Variants in TP63 observed in about 807,000 individuals in gnomAD.
The protein encoded by TP63 is tumor protein p63, also known as tumor protein 63.
TP63 carries 17 observed loss-of-function variants against 82.8 expected under a neutral mutation model. The observed-to-expected ratio is 0.21, with a 90% CI of 0.14 to 0.31. TP63 has a LOEUF of 0.31. Among genes scored for constraint, TP63 ranks in the 10% least tolerant of loss-of-function variants. The pLI is 1.00. For missense variants in TP63, 648 were observed against 895.3 expected (o/e 0.72, Z 3.52); for synonymous variants, 330 against 321.7 (o/e 1.03, Z -0.28).
rs1025373002 is a variant in TP63, at chr3:189,794,203, TA to T, written c.325-14062del. On this transcript the variant is annotated intron_variant, in intron 3 of 13. Transcript: ENST00000264731. ...GTTAGAAGAAGAACTGACTGACTCT[TA>T]AAAAAATGTTTACTGAGCATCAATT... 5.9e-5 allele frequency among the ~76,000 whole-genome samples: 9 copies of T among 152,132 alleles called. No individual in the cohort carries two copies. The East Asian group carries it at 1.7e-3, about 29-fold the overall frequency.
chr3:189,776,584 G>A (rs924874623), intron 3 of TP63, among the ~76,000 whole-genome samples: 2 of 152,176 alleles, frequency 1.3e-5, no homozygotes, highest in African/African-American at 4.8e-5. Flanking sequence ...CCCCTGCTGG[G>A]TTAGAGTCCT....
intron 3 of TP63, among the ~76,000 whole-genome samples, chr3:189,807,223 A>G (rs1028236450): frequency 2.6e-5 from 4 of 152,202 alleles, no homozygotes; most frequent in African/African-American, 9.6e-5. Flanking sequence ...TGATTTGCCT[A>G]CTCAGGCTGA....
intron 3 of TP63, among the ~76,000 whole-genome samples, chr3:189,763,938 A>G (rs192489759): frequency 4.9e-4 from 74 of 152,284 alleles, no homozygotes; most frequent in African/African-American, 1.5e-3. Flanking sequence ...GATAAATTAT[A>G]TGGGAATAAA....
At chr3:189,883,248 C>CT (rs1720115786) in intron 10 of TP63, among the ~76,000 whole-genome samples, 1 of 152,040 alleles carries the variant, frequency 6.6e-6, no homozygotes, top group South Asian at 2.1e-4. Flanking sequence ...GCCTTGCTTC[C>CT]TTTTTCACCG....
chr3:189,887,173 C>T (rs1720534595), intron 11 of TP63, among the ~76,000 whole-genome samples: 2 of 148,704 alleles, frequency 1.3e-5, no homozygotes. Flanking sequence ...CACACTGCTG[C>T]ACTCCAGCCT....
intron 3 of TP63, among the ~76,000 whole-genome samples, chr3:189,743,597 A>C (rs1721158644): frequency 6.6e-6 from 1 of 152,168 alleles, no homozygotes; most frequent in Admixed American, 6.5e-5. Flanking sequence ...GTCCAGGTAA[A>C]ATTTTATAGC....
chr3:189,700,403 T>A (rs996754338), intron 1 of TP63, among the ~76,000 whole-genome samples: 2 of 152,210 alleles, frequency 1.3e-5, no homozygotes, highest in African/African-American at 4.8e-5. Flanking sequence ...TTCCATGTAC[T>A]CCATCTCATT....
intron 4 of TP63, among the ~76,000 whole-genome samples, chr3:189,862,636 A>C (rs1385853027): frequency 6.6e-6 from 1 of 152,216 alleles, no homozygotes; most frequent in African/African-American, 2.4e-5. Flanking sequence ...TATGCGTTAT[A>C]TACCTCCTAA....
chr3:189,789,729 C>CAGAG lies in TP63; in HGVS notation c.325-18543_325-18542insAGAG, dbSNP rs34201045. ...AAGTAGATTCATATTGTAAGGGTCT[C>CAGAG]GGGGTGGGGGGGTTGGCAAAATCCT... On this transcript the variant is annotated intron_variant, in intron 3 of 13. Transcript: ENST00000264731. 0.33 allele frequency: 486,564 copies of CAGAG among 1,480,580 alleles called. 81,348 individuals carry two copies. The highest frequency in any genetic ancestry group is 0.54 in the East Asian group (21,274 of 39,036). The allele number at this position is 1,480,580 out of a possible 1,614,324, so 91.7% of individuals were successfully genotyped here. A position where few individuals can be genotyped will look rare whatever the true frequency, so the allele number is the denominator to read the frequency against.
intron 1 of TP63, among the ~76,000 whole-genome samples, chr3:189,648,519 C>T (rs1712613021): frequency 6.8e-6 from 1 of 147,012 alleles, no homozygotes; most frequent in Non-Finnish European, 1.5e-5. Context: ...ATTCTTGGTA[C>T]ATTTACTTAT....
At chr3:189,741,146 A>G (rs1016951807) in intron 3 of TP63, among the ~76,000 whole-genome samples, 1 of 152,030 alleles carries the variant, frequency 6.6e-6, no homozygotes, top group Non-Finnish European at 1.5e-5. Context: ...AAATAAAGGT[A>G]GAGTGAGAAA....
intron 1 of TP63, among the ~76,000 whole-genome samples, chr3:189,660,744 C>T (rs191865860): frequency 6.6e-6 from 1 of 151,788 alleles, no homozygotes; most frequent in Non-Finnish European, 1.5e-5. Flanking sequence ...ATTCCTTCAA[C>T]CGTGTTTTGT....
chr3:189,635,312 A>G (rs2108608106), intron 1 of TP63, among the ~76,000 whole-genome samples: 1 of 152,276 alleles, frequency 6.6e-6, no homozygotes, highest in South Asian at 2.1e-4. Flanking sequence ...CCCAAAAGGA[A>G]GAGTGATGAC....
intron 3 of TP63, among the ~76,000 whole-genome samples, chr3:189,744,249 T>C (rs1560151673): frequency 6.6e-6 from 1 of 152,206 alleles, no homozygotes; most frequent in Non-Finnish European, 1.5e-5. Flanking sequence ...GCAGCTGCTG[T>C]CACTGTGGTG....
Position 189,795,294 on chromosome 3 carries a change from C to G in TP63, c.325-12978C>G, listed in dbSNP as rs188067942. On this transcript the variant is annotated intron_variant, in intron 3 of 13. Transcript: ENST00000264731. The stretch of plus-strand genomic sequence containing the variant: ...ACAGTTACTGAAAACTTATAATAGT[C>G]ACTGTTATATGCACTGTGAGGAAAG... 1.2e-4 allele frequency among the ~76,000 whole-genome samples: 18 copies of G among 152,154 alleles called. No homozygotes were observed. The East Asian group carries it at 3.3e-3, about 28-fold the overall frequency.
the TP63 span, among the ~76,000 whole-genome samples, chr3:189,620,516 A>AAG: frequency 8.7e-6 from 1 of 115,110 alleles, no homozygotes; most frequent in African/African-American, 3.5e-5. Flanking sequence ...CAAAAAAAAA[A>AAG]CAAAAAAAAA....
At chr3:189,620,621 C>T in the TP63 span, among the ~76,000 whole-genome samples, 7 of 152,032 alleles carry the variant, frequency 4.6e-5, no homozygotes, top group South Asian at 1.5e-3. Flanking sequence ...AAGATTTGTC[C>T]AGGCTAATGA....
At chr3:189,735,644 G>A (rs1414249777) in intron 1 of TP63, among the ~76,000 whole-genome samples, 2 of 151,910 alleles carry the variant, frequency 1.3e-5, no homozygotes, top group African/African-American at 4.8e-5. Flanking sequence ...CCCTTTTGTT[G>A]TCTTACCTTA....
intron 1 of TP63, among the ~76,000 whole-genome samples, chr3:189,721,533 C>T (rs1719391859): frequency 2.6e-5 from 4 of 151,688 alleles, no homozygotes; most frequent in Non-Finnish European, 2.9e-5. Flanking sequence ...TGGCAAGACA[C>T]AACAAGAATC....
Sources: gnomAD v4.1 joint callset for allele counts (sites outside exome capture counted in the v4.1 genomes callset) on GRCh38, gnomAD v4.1.1 for gene constraint, MANE v1.5 for transcripts, NCBI Gene and HGNC (gene_info 2026-07-23, HGNC 2026-07-21) for gene names.